The following PIK3C2G variants were observed in gnomAD, a reference collection of about 807,000 sequenced individuals.
The protein encoded by PIK3C2G is phosphatidylinositol-4-phosphate 3-kinase catalytic subunit type 2 gamma.
In PIK3C2G, 168 loss-of-function variants were observed where a neutral mutation model predicts 181.1. The observed-to-expected ratio is 0.93, with a 90% CI of 0.82 to 1.05. The LOEUF is 1.05. Ranked by LOEUF, PIK3C2G falls within the 50% of genes least tolerant of loss-of-function variation. The probability of loss-of-function intolerance (pLI) is 0.00; values close to 1 mark genes in which losing one functional copy is unlikely to be tolerated. For synonymous variants in PIK3C2G, 573 were observed against 592.2 expected, an observed-to-expected ratio of 0.97 and a Z score of 0.47; for missense variants, 1,869 against 1,732.8, an observed-to-expected ratio of 1.08 and a Z score of -1.40.
intron 26 of PIK3C2G, among the ~76,000 whole-genome samples, chr12:18,558,928 A>G (rs1285853775): frequency 6.6e-6 from 1 of 152,206 alleles, no homozygotes; most frequent in South Asian, 2.1e-4. Context: ...AAAAACTTCC[A>G]TCTCTTCTGT....
chr12:18,577,441 A>AC (rs1946290397), intron 29 of PIK3C2G, among the ~76,000 whole-genome samples: 1 of 152,152 alleles, frequency 6.6e-6, no homozygotes, highest in African/African-American at 2.4e-5. Context: ...TGTCTCTTTT[A>AC]ATCTCCATTG....
intron 5 of PIK3C2G, among the ~76,000 whole-genome samples, chr12:18,312,125 T>A (rs1281659013): frequency 6.6e-6 from 1 of 151,980 alleles, no homozygotes; most frequent in African/African-American, 2.4e-5. Flanking sequence ...CCTTGCCCAA[T>A]CCACAGACTC....
In PIK3C2G at chr12:18,620,013, C is replaced by A. The variant is rs1042869561; in HGVS notation, c.4182+10384C>A. Among the ~76,000 whole-genome samples the A allele has an allele frequency of 3.9e-5, 6 of 152,134 alleles. No individual in the cohort carries two copies. The East Asian group carries it at 1.2e-3, about 29-fold the overall frequency. The stretch of plus-strand genomic sequence containing the variant: ...TGCTGGGATTACAGGCATGAGCCAC[C>A]GCGTCCAGCCCCTTAATTTTTTAAA... On this transcript the variant is annotated intron_variant, in intron 31 of 32. Coordinates refer to ENST00000538779, the MANE Select transcript of PIK3C2G (RefSeq NM_001288772.2).
At chr12:18,276,527 T>C (rs1948993698) in intron 1 of PIK3C2G, among the ~76,000 whole-genome samples, 1 of 152,194 alleles carries the variant, frequency 6.6e-6, no homozygotes, top group South Asian at 2.1e-4. Context: ...ACCCAATATA[T>C]AAACCTCAAA....
chr12:18,541,636 T>C (rs1944160467), intron 25 of PIK3C2G, among the ~76,000 whole-genome samples: 1 of 151,890 alleles, frequency 6.6e-6, no homozygotes, highest in South Asian at 2.1e-4. Context: ...AGAACAGAAG[T>C]AAAGACTTCA....
the PIK3C2G span, among the ~76,000 whole-genome samples, chr12:18,704,825 T>C: frequency 2.0e-5 from 3 of 152,146 alleles, no homozygotes; most frequent in Non-Finnish European, 4.4e-5. Context: ...GTACTGACTA[T>C]TTATAGTCTA....
At chr12:18,586,522 A>G (rs1241608316) in intron 29 of PIK3C2G, among the ~76,000 whole-genome samples, 1 of 152,178 alleles carries the variant, frequency 6.6e-6, no homozygotes, top group East Asian at 1.9e-4. Flanking sequence ...TGAACCAGGA[A>G]GAAATTAATT....
At chr12:18,424,680 T>A (rs1429321206) in intron 18 of PIK3C2G, 1 of 210,822 alleles carries the variant, frequency 4.7e-6, no homozygotes, top group African/African-American at 2.3e-5. Context: ...TGTCAAAAGA[T>A]GCTATTCCTG....
intron 8 of PIK3C2G, among the ~76,000 whole-genome samples, chr12:18,333,991 A>G (rs1938248809): frequency 6.6e-6 from 1 of 152,158 alleles, no homozygotes; most frequent in Non-Finnish European, 1.5e-5. Context: ...AATGTTCAAA[A>G]CATTTTTCAA....
intron 31 of PIK3C2G, among the ~76,000 whole-genome samples, chr12:18,623,437 C>A (rs1429904498): frequency 6.6e-6 from 1 of 151,674 alleles, no homozygotes; most frequent in Non-Finnish European, 1.5e-5. Flanking sequence ...TAATTACTAT[C>A]ATTTTGTTGT....
intron 5 of PIK3C2G, among the ~76,000 whole-genome samples, chr12:18,305,252 C>T (rs1037804503): frequency 1.2e-4 from 18 of 152,040 alleles, no homozygotes; most frequent in African/African-American, 4.3e-4. Context: ...AGAGTGAAAT[C>T]CCAAAGAAAG....
At chr12:18,277,487 T>G (rs1187207526) in intron 1 of PIK3C2G, among the ~76,000 whole-genome samples, 1 of 152,164 alleles carries the variant, frequency 6.6e-6, no homozygotes, top group African/African-American at 2.4e-5. Flanking sequence ...GCACAATCTC[T>G]ATCTCCCATG....
At chr12:18,717,236 T>TA in the PIK3C2G span, among the ~76,000 whole-genome samples, 3 of 152,084 alleles carry the variant, frequency 2.0e-5, no homozygotes, top group Admixed American at 2.0e-4. Flanking sequence ...TTTTCTCTCT[T>TA]AAAAAAATTA....
the PIK3C2G span, among the ~76,000 whole-genome samples, chr12:18,690,758 T>C: frequency 6.6e-6 from 1 of 152,066 alleles, no homozygotes; most frequent in African/African-American, 2.4e-5. Flanking sequence ...CAGGTAAGGC[T>C]GAAAGAATGC....
rs371094426 is a variant in PIK3C2G, at chr12:18,562,726, G to C, written c.3614G>C (p.Cys1205Ser). Reference sequence around the variant, plus strand: ...AGGAAAATAAAGGAAAGTCTGGAGTGTTTCCCTGTTAAATTGAATAACTTG... The same window carrying C: ...AGGAAAATAAAGGAAAGTCTGGAGTCTTTCCCTGTTAAATTGAATAACTTG... The part of the protein sequence containing the change: ...FTKKIKESLE[C>S]FPVKLNNLIH... Residue 1205 changes from cysteine to serine, a missense_variant, in exon 27 of 33, where the codon TGT (cysteine) becomes TCT (serine). Physicochemically the swap from Cys to Ser is moderately radical, Grantham distance 112 (BLOSUM62 -1). Transcript: ENST00000538779. The C allele has an allele frequency of 1.1e-5, 18 of 1,599,568 alleles. No homozygotes were observed. The highest frequency in any genetic ancestry group is 2.2e-5 in the East Asian group (1 of 44,634).
At chr12:18,562,644 A>T in intron 26 of PIK3C2G, 59 bp from the exon 27 acceptor site, 2 of 1,016,688 alleles carry the variant, frequency 2.0e-6, no homozygotes, top group Non-Finnish European at 2.9e-6. Context: ...CAGATCATAA[A>T]TGAAATGAGT....
intron 24 of PIK3C2G, among the ~76,000 whole-genome samples, chr12:18,537,067 C>T (rs1565486291): frequency 6.6e-6 from 1 of 151,988 alleles, no homozygotes; most frequent in Non-Finnish European, 1.5e-5. Flanking sequence ...TTAGACCCCC[C>T]TGTCCCAAAC....
chr12:18,355,828 A>G (rs938341331), intron 11 of PIK3C2G, among the ~76,000 whole-genome samples: 2 of 152,216 alleles, frequency 1.3e-5, no homozygotes, highest in African/African-American at 4.8e-5. Context: ...TGATGGCTGG[A>G]CTAAACATAC....
intron 30 of PIK3C2G, among the ~76,000 whole-genome samples, chr12:18,598,905 C>A (rs1263722331): frequency 6.6e-6 from 1 of 151,728 alleles, no homozygotes; most frequent in African/African-American, 2.4e-5. Flanking sequence ...AAATGCTCAC[C>A]ATCACTGGCC....
Sources: gnomAD v4.1 joint callset for allele counts (sites outside exome capture counted in the v4.1 genomes callset) on GRCh38, gnomAD v4.1.1 for gene constraint, MANE v1.5 for transcripts, NCBI Gene and HGNC (gene_info 2026-07-23, HGNC 2026-07-21) for gene names.